FAM193B: variants seen among roughly 807,000 people sequenced by gnomAD.
FAM193B encodes family with sequence similarity 193 member B, also known as protein FAM193B.
Under a neutral mutation model 70.7 loss-of-function variants are expected in FAM193B, and 27 were observed. That is an observed-to-expected ratio of 0.38 (90% confidence interval 0.28 to 0.53). The LOEUF (loss-of-function observed/expected upper bound fraction) is 0.53, where lower values mean the gene tolerates loss of function less well. Among genes scored for constraint, FAM193B ranks in the 20% least tolerant of loss-of-function variants. FAM193B has a pLI of 0.81. For missense variants in FAM193B, 1,022 were observed against 1,072.5 expected (o/e 0.95, Z 0.66); for synonymous variants, 448 against 436.0 (o/e 1.03, Z -0.34).
intron 8 of FAM193B, among the ~76,000 whole-genome samples, chr5:177,521,351 G>A (rs1354782781): frequency 6.6e-6 from 1 of 152,224 alleles, no homozygotes; most frequent in Admixed American, 6.5e-5. Flanking sequence ...GACCTGTGTG[G>A]GTGGCTGGGA....
chr5:177,553,985 T>G (rs369636419), intron 1 of FAM193B: 19 of 1,264,868 alleles, frequency 1.5e-5, no homozygotes, highest in Middle Eastern at 2.8e-4. Context: ...CCAGTGTGGG[T>G]GTACGGCCGG....
intron 1 of FAM193B, among the ~76,000 whole-genome samples, chr5:177,542,884 G>A (rs1217512947): frequency 6.6e-6 from 1 of 152,190 alleles, no homozygotes; most frequent in African/African-American, 2.4e-5. Flanking sequence ...CCCTCACAGT[G>A]CAGCACAGGG....
chr5:177,532,678 G>T lies in FAM193B; in HGVS notation c.1077-37C>A, dbSNP rs745797633. 2 of 1,469,808 alleles carry T rather than the reference G, an allele frequency of 1.4e-6. No individual in the cohort carries two copies. The highest frequency in any genetic ancestry group is 8.9e-7 in the Non-Finnish European group (1 of 1,119,230). The allele number at this position is 1,469,808 out of a possible 1,614,324, so 91.0% of individuals were successfully genotyped here. On this transcript the variant is annotated intron_variant, in intron 4 of 8. Transcript: ENST00000514747. The surrounding 1 kb of genome is among the most constrained non-coding windows in gnomAD (Gnocchi z 4.9). ...GAGGAAGGCCCAGAGGTGAGGCAGG[G>T]TGATGCAGAAACCCAGGAAGCATCC... is the stretch of plus-strand genomic sequence containing the variant.
intron 4 of FAM193B, among the ~76,000 whole-genome samples, chr5:177,534,473 T>G (rs984982295): frequency 6.6e-6 from 1 of 151,848 alleles, no homozygotes; most frequent in Non-Finnish European, 1.5e-5. Context: ...ATTTTTTTTT[T>G]TTGTATTTTT....
intron 1 of FAM193B, among the ~76,000 whole-genome samples, chr5:177,546,560 G>A (rs1313696154): frequency 1.3e-5 from 2 of 152,248 alleles, no homozygotes; most frequent in Non-Finnish European, 2.9e-5. Flanking sequence ...CTGAGCCACT[G>A]ATGAGAGGGC....
Position 177,537,856 on chromosome 5 carries a change from C to G in FAM193B, c.688+17G>C. The G allele has an allele frequency of 1.2e-6, 2 of 1,600,538 alleles. No homozygotes were observed. Among genetic ancestry groups the G allele is most frequent in the Non-Finnish European group, 1.7e-6 (2 of 1,171,206 alleles). On this transcript the variant is annotated intron_variant, in intron 3 of 8. Coordinates refer to ENST00000514747, the MANE Select transcript of FAM193B (RefSeq NM_001190946.3). ...ACATTTATAGGGCCTGGCTCTCTCCCGAGCCTGGAGACTCACCGGGGATGG... is the reference window on the plus strand; with the variant it reads ...ACATTTATAGGGCCTGGCTCTCTCCGGAGCCTGGAGACTCACCGGGGATGG...
chr5:177,526,808 T>C (rs1301427504), intron 5 of FAM193B, among the ~76,000 whole-genome samples: 1 of 152,216 alleles, frequency 6.6e-6, no homozygotes, highest in Non-Finnish European at 1.5e-5. Context: ...TCTTCAGAAG[T>C]TCCTATGTTT....
chr5:177,542,278 T>C (rs1239314078), intron 1 of FAM193B, among the ~76,000 whole-genome samples: 2 of 152,228 alleles, frequency 1.3e-5, no homozygotes, highest in African/African-American at 4.8e-5. Context: ...CTCTATCACT[T>C]ACCAGCTGTA....
chr5:177,534,316 G>A (rs900918015), intron 4 of FAM193B, among the ~76,000 whole-genome samples: 30 of 135,074 alleles, frequency 2.2e-4, no homozygotes, highest in Non-Finnish European at 3.1e-4. Context: ...TTTTGGAGAC[G>A]GAGTCTCGCT....
chr5:177,523,726 C>T (rs1762124796), intron 7 of FAM193B, among the ~76,000 whole-genome samples: 1 of 152,286 alleles, frequency 6.6e-6, no homozygotes, highest in South Asian at 2.1e-4. Flanking sequence ...TGGGGCCTGA[C>T]ATGCCTCCTC....
intron 1 of FAM193B, chr5:177,553,094 G>A: frequency 7.3e-6 from 6 of 823,706 alleles, no homozygotes; most frequent in Non-Finnish European, 8.8e-6. Context: ...TGGGCACAGA[G>A]AGGGCACCTG....
chr5:177,530,050 C>G (rs1428729477), intron 5 of FAM193B, among the ~76,000 whole-genome samples: 1 of 152,152 alleles, frequency 6.6e-6, no homozygotes, highest in Non-Finnish European at 1.5e-5. Flanking sequence ...GGTTGTTACA[C>G]CCAAATCTCT....
rs1766795593 is a variant in FAM193B, at chr5:177,554,489, A to ACGT, written c.-32_-31insACG. The ACGT allele has an allele frequency of 1.7e-6, 1 of 601,182 alleles. No individual in the cohort carries two copies. The highest frequency in any genetic ancestry group is 2.3e-5 in the African/African-American group (1 of 42,606). The allele number at this position is 601,182 out of a possible 1,614,324, so 37.2% of individuals were successfully genotyped here. A position where few individuals can be genotyped will look rare whatever the true frequency, so the allele number is the denominator to read the frequency against. ...CGCTCGCGCCGCTCCCTCGCTCCAC[A>ACGT]CGCCGCCGCCGCCGCCGCCGCCGCC... On this transcript the variant is annotated 5_prime_UTR_variant, in exon 1 of 9. Coordinates refer to ENST00000514747, the MANE Select transcript of FAM193B (RefSeq NM_001190946.3).
Position 177,524,171 on chromosome 5 carries a change from C to T in FAM193B, c.2296+14G>A. The T allele has an allele frequency of 1.3e-6, 2 of 1,574,808 alleles. No homozygotes were observed. The highest frequency in any genetic ancestry group is 8.6e-7 in the Non-Finnish European group (1 of 1,159,278). ...GGGGTAGGGGGTCAGCCGCTCAGTT[C>T]CTGGTGCACTCACCCAAGGAGGAGG... On this transcript the variant is annotated intron_variant, in intron 6 of 8. Transcript: ENST00000514747.
intron 5 of FAM193B, chr5:177,531,771 G>A (rs936806499): frequency 2.0e-5 from 15 of 765,086 alleles, no homozygotes; most frequent in South Asian, 3.8e-5. Flanking sequence ...GTTGGAGCCC[G>A]GGCTTCGTCA....
At position 177,532,740 on chromosome 5, in the gene FAM193B, C is replaced by T. The variant is rs908396049; in HGVS notation, c.1077-99G>A. ...TGCCATCCTGACCGCCCTTCACTTG[C>T]CCCACTCCACAGAGGTCCCAGGTGG... On this transcript the variant is annotated intron_variant, in intron 4 of 8. Transcript: ENST00000514747. This position sits in a 1 kb window ranked among gnomAD's most constrained non-coding sequence, Gnocchi z 4.9. 1.4e-5 allele frequency: 17 copies of T among 1,175,854 alleles called. No individual in the cohort carries two copies. Among genetic ancestry groups the T allele is most frequent in the Non-Finnish European group, 1.9e-5 (17 of 875,200 alleles). 72.8% of individuals were successfully genotyped at this position (1,175,854 alleles called of 1,614,324 possible).
At position 177,532,980 on chromosome 5, in the gene FAM193B, T is replaced by C. The variant is rs1763715850; in HGVS notation, c.1077-339A>G. Among the ~76,000 whole-genome samples the C allele has an allele frequency of 6.6e-6, 1 of 152,234 alleles. No homozygotes were observed. Among genetic ancestry groups the C allele is most frequent in the Admixed American group, 6.5e-5 (1 of 15,282 alleles). ...CATGGTCTGTTTGCGCATTTGTCTC[T>C]CAAACTGGACTGCACGCCTCAAGGG... On this transcript the variant is annotated intron_variant, in intron 4 of 8. Transcript: ENST00000514747. This position sits in a 1 kb window ranked among gnomAD's most constrained non-coding sequence, Gnocchi z 4.9.
intron 4 of FAM193B, among the ~76,000 whole-genome samples, chr5:177,535,754 G>A (rs892131492): frequency 1.3e-5 from 2 of 152,064 alleles, no homozygotes; most frequent in East Asian, 1.9e-4. Flanking sequence ...ACTACTACAC[G>A]AAAGGTATAT....
chr5:177,551,716 A>G (rs986685395), intron 1 of FAM193B, among the ~76,000 whole-genome samples: 4 of 152,246 alleles, frequency 2.6e-5, no homozygotes, highest in African/African-American at 9.6e-5. Context: ...AAGCCTGTGG[A>G]CTGGAAGTGG....
Sources: gnomAD v4.1 joint callset for allele counts (sites outside exome capture counted in the v4.1 genomes callset) on GRCh38, gnomAD v4.1.1 for gene constraint, Gnocchi (gnomAD v3.1) non-coding constraint, MANE v1.5 for transcripts, NCBI Gene and HGNC (gene_info 2026-07-23, HGNC 2026-07-21) for gene names.